Variants in PLEKHM2 observed in about 807,000 individuals in gnomAD.
PLEKHM2 encodes pleckstrin homology domain-containing family M member 2.
PLEKHM2 carries 77 observed loss-of-function variants against 116.3 expected under a neutral mutation model. That is an observed-to-expected ratio of 0.66 (90% confidence interval 0.55 to 0.80). The LOEUF (loss-of-function observed/expected upper bound fraction) is 0.80. Ranked by LOEUF, PLEKHM2 falls within the 30% of genes least tolerant of loss-of-function variation. The pLI is 0.00. For synonymous variants in PLEKHM2, 562 were observed against 571.0 expected (o/e 0.98, Z 0.22); for missense variants, 1,183 against 1,354.9 (o/e 0.87, Z 1.99).
Position 15,729,663 on chromosome 1 carries a change from TG to T in PLEKHM2, c.2076-132del. On this transcript the variant is annotated intron_variant, in intron 13 of 19. Coordinates refer to ENST00000375799, the MANE Select transcript of PLEKHM2 (RefSeq NM_015164.4). This position sits in a 1 kb window ranked among gnomAD's most constrained non-coding sequence, Gnocchi z 4.7. Reference sequence around the variant, plus strand: ...TGCGTCATTGCCGCACCTGCCGCCCTGGTCACTGGGTCTAGCCAGGTCTCTC... The same window carrying T: ...TGCGTCATTGCCGCACCTGCCGCCCTGTCACTGGGTCTAGCCAGGTCTCTC... 1.4e-6 allele frequency: 1 copy of T among 732,026 alleles called. No individual in the cohort carries two copies. The highest frequency in any genetic ancestry group is 2.3e-6 in the Non-Finnish European group (1 of 441,042). 45.3% of individuals were successfully genotyped at this position (732,026 alleles called of 1,614,324 possible).
chr1:15,705,170 C>CTTTTT (rs71306988), intron 1 of PLEKHM2, among the ~76,000 whole-genome samples: 5 of 74,068 alleles, frequency 6.8e-5, no homozygotes, highest in East Asian at 3.2e-4. Context: ...ACGTAGATAT[C>CTTTTT]TTTTTTTTTT....
rs981978974 is a variant in PLEKHM2 at position 15,726,933 on chromosome 1, A to G, written c.942-81A>G. 4 of 921,162 alleles carry G rather than the reference A, an allele frequency of 4.3e-6. No individual in the cohort carries two copies. The African/African-American group carries it at 5.0e-5, about 12-fold the overall frequency. 57.1% of individuals were successfully genotyped at this position (921,162 alleles called of 1,614,324 possible). On this transcript the variant is annotated intron_variant, in intron 8 of 19. Coordinates refer to ENST00000375799, the MANE Select transcript of PLEKHM2 (RefSeq NM_015164.4). The stretch of plus-strand genomic sequence containing the variant: ...TGCCCTCAGAGGCTACATGGCCAGC[A>G]TTGCCACCGTGACCCAGCCTGGTTT...
chr1:15,699,877 G>C (rs983161916), intron 1 of PLEKHM2, among the ~76,000 whole-genome samples: 11 of 151,766 alleles, frequency 7.2e-5, no homozygotes, highest in African/African-American at 2.4e-4. Flanking sequence ...CTACATGGAA[G>C]GCTGAGGTGG....
Position 15,718,578 on chromosome 1 carries a change from C to A in PLEKHM2, c.418C>A (p.Leu140Met). Residue 140 changes from leucine (L) to methionine (M), a missense_variant, in exon 5 of 20, where the codon CTG becomes ATG. This residue lies in a region of PLEKHM2 where 217 missense variants were observed against 277.6 expected (regional missense o/e 0.78). Coordinates refer to ENST00000375799, the MANE Select transcript of PLEKHM2 (RefSeq NM_015164.4). ...CAGCCACGATCACCTGACGCTCTTC[C>A]TGACCTTGGTGTCCGGGCTAGAGTT... ...VCSHDHLTLF[L>M]TLVSGLEFIR... is the part of the protein sequence containing the mutation. 1 of 1,577,464 alleles carries A rather than the reference C, an allele frequency of 6.3e-7. No homozygotes were observed. The highest frequency in any genetic ancestry group is 2.3e-5 in the East Asian group (1 of 43,214).
At position 15,725,383 on chromosome 1, in the gene PLEKHM2, C is replaced by A. The variant is rs1478279444; in HGVS notation, c.779C>A (p.Ala260Asp). The A allele has an allele frequency of 6.4e-7, 1 of 1,551,990 alleles. No individual in the cohort carries two copies. Among genetic ancestry groups the A allele is most frequent in the South Asian group, 1.2e-5 (1 of 84,088 alleles). Residue 260 changes from alanine (A) to aspartate (D), a missense_variant, in exon 8 of 20, where the codon GCC (alanine) becomes GAC (aspartate). This residue lies in a region of PLEKHM2 where 372 missense variants were observed against 357.2 expected (regional missense o/e 1.04). Transcript: ENST00000375799. ...GCCTCCGACCTGACCAGCAGCAAGG[C>A]CTCCACCAGGAGCCCCACCCAGCGC... is the stretch of plus-strand genomic sequence containing the variant. ...STASDLTSSK[A>D]STRSPTQRQN...
chr1:15,720,451 G>T (rs546272664), intron 6 of PLEKHM2: 1 of 984,972 alleles, frequency 1.0e-6, no homozygotes, highest in Non-Finnish European at 1.2e-6. Context: ...TGGGATGGTC[G>T]CACCCTTTGC....
At chr1:15,701,436 A>G (rs1641109948) in intron 1 of PLEKHM2, among the ~76,000 whole-genome samples, 2 of 151,132 alleles carry the variant, frequency 1.3e-5, no homozygotes, top group African/African-American at 4.9e-5. Context: ...TCCATCTCAA[A>G]AAAAGAAAAA....
chr1:15,701,802 GA>G (rs1489410824), intron 1 of PLEKHM2, among the ~76,000 whole-genome samples: 1 of 151,996 alleles, frequency 6.6e-6, no homozygotes, highest in Non-Finnish European at 1.5e-5. Flanking sequence ...AAAAAGAAAA[GA>G]AAAAAGACCC....
Position 15,731,404 on chromosome 1 carries a change from C to A in PLEKHM2, c.2465+147C>A, listed in dbSNP as rs1350532108. On this transcript the variant is annotated intron_variant, in intron 16 of 19. Coordinates refer to ENST00000375799, the MANE Select transcript of PLEKHM2 (RefSeq NM_015164.4). ...TGACAGGTGGCCTGGGGCTTCCACG[C>A]TCTGAGGGCTGCAAGGAGCCCACAG... 4 of 685,708 alleles carry A rather than the reference C, an allele frequency of 5.8e-6. No individual in the cohort carries two copies. In the Admixed American group the frequency reaches 8.9e-5, roughly 15 times the overall value. 42.5% of individuals were successfully genotyped at this position (685,708 alleles called of 1,614,324 possible).
At chr1:15,709,794 C>A (rs1641294544) in intron 1 of PLEKHM2, among the ~76,000 whole-genome samples, 2 of 151,846 alleles carry the variant, frequency 1.3e-5, no homozygotes, top group Admixed American at 1.3e-4. Flanking sequence ...GCAGGACATA[C>A]CTAAAGAAAG....
chr1:15,685,341 A>C (rs1291441821), intron 1 of PLEKHM2, among the ~76,000 whole-genome samples: 1 of 152,138 alleles, frequency 6.6e-6, no homozygotes, highest in East Asian at 1.9e-4. Flanking sequence ...ATATCCGCAA[A>C]AGGGTCCGTG....
At position 15,731,958 on chromosome 1, in the gene PLEKHM2, C is replaced by G. The variant is rs368350011; in HGVS notation, c.2535C>G (p.Leu845=). 9 of 1,611,984 alleles carry G rather than the reference C, an allele frequency of 5.6e-6. No individual in the cohort carries two copies. The African/African-American group carries it at 1.2e-4, about 22-fold the overall frequency. Reference sequence around the variant, plus strand: ...GGCCCCACGCCTTCCAGGTCATTCTCTCCGACCGGCCCTGCCTGGAGCTAA... The same window carrying G: ...GGCCCCACGCCTTCCAGGTCATTCTGTCCGACCGGCCCTGCCTGGAGCTAA... ...TDRPHAFQVI[L]SDRPCLELSA... Residue 845 remains leucine, a synonymous_variant, in exon 17 of 20, where the codon CTC becomes CTG. Coordinates refer to ENST00000375799, the MANE Select transcript of PLEKHM2 (RefSeq NM_015164.4).
At chr1:15,692,776 G>T (rs988665780) in intron 1 of PLEKHM2, among the ~76,000 whole-genome samples, 4 of 152,018 alleles carry the variant, frequency 2.6e-5, no homozygotes, top group Non-Finnish European at 5.9e-5. Flanking sequence ...TTTTGCTCTT[G>T]TTACTCAGGC....
rs763826102 is a variant in PLEKHM2, at chr1:15,721,712, C to T, written c.712+324C>T. On this transcript the variant is annotated intron_variant, in intron 7 of 19. Transcript: ENST00000375799. The surrounding 1 kb of genome is among the most constrained non-coding windows in gnomAD (Gnocchi z 5.1). ...GCTCTCGGGGTGTGTAGGGCCTGAC[C>T]CAGTGAACCAAGACTTGTTCTGGAA... 6.6e-6 allele frequency among the ~76,000 whole-genome samples: 1 copy of T among 152,130 alleles called. No homozygotes were observed. Among genetic ancestry groups the T allele is most frequent in the African/African-American group, 2.4e-5 (1 of 41,420 alleles).
intron 1 of PLEKHM2, among the ~76,000 whole-genome samples, chr1:15,688,943 A>G (rs1462952013): frequency 1.3e-5 from 2 of 152,002 alleles, no homozygotes; most frequent in African/African-American, 4.8e-5. Flanking sequence ...AGCAAAGACT[A>G]TATGCCATAA....
chr1:15,721,196 A>G lies in PLEKHM2; in HGVS notation c.653-133A>G. ...GTAAGTTTCCCCAAGGTTGTTGGAT[A>G]CAATGTAGAAAGTTGAAGTTTTCCT... is the stretch of plus-strand genomic sequence containing the variant. On this transcript the variant is annotated intron_variant, in intron 6 of 19. Transcript: ENST00000375799. The surrounding 1 kb of genome is among the most constrained non-coding windows in gnomAD (Gnocchi z 5.1). 1 of 658,904 alleles carries G rather than the reference A, an allele frequency of 1.5e-6. No homozygotes were observed. The allele number at this position is 658,904 out of a possible 1,614,324, so 40.8% of individuals were successfully genotyped here.
At position 15,701,747 on chromosome 1, in the gene PLEKHM2, C is replaced by T. The variant is rs566750880; in HGVS notation, c.61-14490C>T. On this transcript the variant is annotated intron_variant, in intron 1 of 19. Coordinates refer to ENST00000375799, the MANE Select transcript of PLEKHM2 (RefSeq NM_015164.4). ...CGGAGCTTGCAGTGAGCCGAGATTG[C>T]GCCACTGCACTCCAGCCTGGGGAAC... Among the ~76,000 whole-genome samples, 26 of 152,014 alleles carry T rather than the reference C, an allele frequency of 1.7e-4. 1 individual carries two copies. The South Asian group carries it at 5.0e-3, about 29-fold the overall frequency.
chr1:15,710,042 G>A lies in PLEKHM2; in HGVS notation c.61-6195G>A, dbSNP rs565778268. ...TATCGAGACCATCCTGGCTAACGTG[G>A]TGAAACCCCATCTCCACTAAAAAAA... On this transcript the variant is annotated intron_variant, in intron 1 of 19. Coordinates refer to ENST00000375799, the MANE Select transcript of PLEKHM2 (RefSeq NM_015164.4). Among the ~76,000 whole-genome samples, 17 of 151,940 alleles carry A rather than the reference G, an allele frequency of 1.1e-4. No homozygotes were observed. The South Asian group carries it at 3.1e-3, about 28-fold the overall frequency.
At chr1:15,684,887 G>T (rs949314599) in intron 1 of PLEKHM2, among the ~76,000 whole-genome samples, 25 of 152,118 alleles carry the variant, frequency 1.6e-4, no homozygotes, top group Admixed American at 1.3e-4. Context: ...CCCGGAGAGG[G>T]GTCAGCGACC....
Sources: gnomAD v4.1 joint callset for allele counts (sites outside exome capture counted in the v4.1 genomes callset) on GRCh38, gnomAD v4.1.1 for gene constraint, gnomAD v4.1.1 regional missense constraint, Gnocchi (gnomAD v3.1) non-coding constraint, MANE v1.5 for transcripts, NCBI Gene and HGNC (gene_info 2026-07-23, HGNC 2026-07-21) for gene names.